Variants in UGGT1 observed in about 807,000 individuals in gnomAD.
The protein encoded by UGGT1 is UDP-glucose:glycoprotein glucosyltransferase 1.
UGGT1 carries 107 observed loss-of-function variants against 203.9 expected under a neutral mutation model. The observed-to-expected ratio is 0.52, with a 90% CI of 0.45 to 0.62. UGGT1 has a LOEUF of 0.62. Among genes scored for constraint, UGGT1 ranks in the 20% least tolerant of loss-of-function variants. The probability of loss-of-function intolerance (pLI) is 0.00; values close to 1 mark genes in which losing one functional copy is unlikely to be tolerated. For synonymous variants in UGGT1, 628 were observed against 653.5 expected, an observed-to-expected ratio of 0.96 and a Z score of 0.59; for missense variants, 1,673 against 1,867.2, an observed-to-expected ratio of 0.90 and a Z score of 1.92.
chr2:128,124,917 T>C (rs1454282915), intron 11 of UGGT1, among the ~76,000 whole-genome samples: 1 of 152,192 alleles, frequency 6.6e-6, no homozygotes, highest in Admixed American at 6.5e-5. Flanking sequence ...AGGTGTCTGG[T>C]GATCACACTC....
intron 20 of UGGT1, among the ~76,000 whole-genome samples, chr2:128,155,943 G>A (rs1408579983): frequency 6.6e-6 from 1 of 152,172 alleles, no homozygotes; most frequent in Non-Finnish European, 1.5e-5. Flanking sequence ...TTATTTTGGG[G>A]TTTATAAGAT....
At chr2:128,176,689 G>A (rs978943785) in intron 31 of UGGT1, 125 bp from the exon 32 acceptor site, 51 of 884,908 alleles carry the variant, frequency 5.8e-5, no homozygotes, top group Middle Eastern at 5.2e-4. Context: ...AGCTTAAGGA[G>A]CAAGAAGATA....
chr2:128,149,933 G>C (rs1421631282), intron 18 of UGGT1, among the ~76,000 whole-genome samples: 2 of 152,192 alleles, frequency 1.3e-5, no homozygotes, highest in African/African-American at 4.8e-5. Context: ...TTGCACTCCA[G>C]CCTGGGCGAC....
At chr2:128,125,998 A>T in intron 11 of UGGT1, among the ~76,000 whole-genome samples, 1 of 146,586 alleles carries the variant, frequency 6.8e-6, no homozygotes, top group Admixed American at 7.0e-5. Flanking sequence ...GCTGGAGTGC[A>T]GTGGCATGAT....
rs568137179 is a variant in UGGT1 at position 128,141,825 on chromosome 2, A to G, written c.1720-1269A>G. On this transcript the variant is annotated intron_variant, in intron 16 of 40. Coordinates refer to ENST00000259253, the MANE Select transcript of UGGT1 (RefSeq NM_020120.4). ...AACTCCATCTCAAAAAAAAAAAAAA[A>G]TCAAATAAATAATACTGGAGTCAAT... Among the ~76,000 whole-genome samples the G allele has an allele frequency of 5.9e-5, 9 of 152,032 alleles. No homozygotes were observed. In the South Asian group the frequency reaches 1.7e-3, roughly 28 times the overall value.
rs760563708 is a variant in UGGT1 at position 128,143,268 on chromosome 2, A to G, written c.1851+43A>G. 1.6e-5 allele frequency: 25 copies of G among 1,582,894 alleles called. No homozygotes were observed. The South Asian group carries it at 2.8e-4, about 18-fold the overall frequency. ...GTTTCTTATTTGATTGCAACATTGT[A>G]CTGTCCTTAACCCCGTGTTTGGGGG... On this transcript the variant is annotated intron_variant, in intron 17 of 40. Coordinates refer to ENST00000259253, the MANE Select transcript of UGGT1 (RefSeq NM_020120.4).
chr2:128,102,434 G>T (rs1272331297), intron 2 of UGGT1, among the ~76,000 whole-genome samples: 4 of 152,150 alleles, frequency 2.6e-5, no homozygotes, highest in African/African-American at 9.7e-5. Flanking sequence ...GTGAGCCACG[G>T]CGCCTGGCCT....
At chr2:128,167,113 T>C (rs981707374) in intron 26 of UGGT1, among the ~76,000 whole-genome samples, 17 of 152,170 alleles carry the variant, frequency 1.1e-4, no homozygotes, top group Non-Finnish European at 1.8e-4. Context: ...TTTCTCAACA[T>C]TTTGTGAACT....
In UGGT1 at chr2:128,178,418, T is replaced by A. The variant is rs1442711182; in HGVS notation, c.3714-50T>A. On this transcript the variant is annotated intron_variant, in intron 33 of 40. Transcript: ENST00000259253. Reference sequence around the variant, plus strand: ...TTTCCTCTTACTTTCAAAGGCCGTGTGTCTGTATGAGTGTTTCAAGTGGTC... The same window carrying A: ...TTTCCTCTTACTTTCAAAGGCCGTGAGTCTGTATGAGTGTTTCAAGTGGTC... 4.1e-6 allele frequency: 6 copies of A among 1,447,376 alleles called. No individual in the cohort carries two copies. In the Admixed American group the frequency reaches 1.3e-4, roughly 30 times the overall value. 89.7% of individuals were successfully genotyped at this position (1,447,376 alleles called of 1,614,324 possible). A position where few individuals can be genotyped will look rare whatever the true frequency, so the allele number is the denominator to read the frequency against.
At chr2:128,112,477 A>ATATATGTATATATATAT (rs1687916174) in intron 5 of UGGT1, among the ~76,000 whole-genome samples, 1 of 37,928 alleles carries the variant, frequency 2.6e-5, no homozygotes, top group Non-Finnish European at 7.5e-5. Flanking sequence ...TATATATTAC[A>ATATATGTATATATATAT]TACATACATA....
At chr2:128,186,498 T>A (rs1268061396) in intron 38 of UGGT1, among the ~76,000 whole-genome samples, 185 bp from the exon 39 acceptor site, 1 of 152,064 alleles carries the variant, frequency 6.6e-6, no homozygotes, top group African/African-American at 2.4e-5. Flanking sequence ...TCCCAGCTAC[T>A]CAGGAGGCTG....
intron 13 of UGGT1, among the ~76,000 whole-genome samples, chr2:128,131,689 G>A (rs1688886129): frequency 6.6e-6 from 1 of 152,140 alleles, no homozygotes; most frequent in African/African-American, 2.4e-5. Context: ...GTGCAGTGGT[G>A]TGATCTCAGC....
intron 24 of UGGT1, 106 bp from the exon 25 acceptor site, chr2:128,161,032 T>A: frequency 3.8e-6 from 5 of 1,311,788 alleles, no homozygotes; most frequent in Non-Finnish European, 5.2e-6. Flanking sequence ...GTCTTTAAGA[T>A]GTTCTGGCGT....
chr2:128,151,882 A>G lies in UGGT1; in HGVS notation c.2017-902A>G, dbSNP rs796622659. ...AAAGAGCAAGACCTTGTCTCAAAGG[A>G]AAAAAAAAGAAAATGACTTTAAAGT... On this transcript the variant is annotated intron_variant, in intron 18 of 40. Transcript: ENST00000259253. Among the ~76,000 whole-genome samples the G allele has an allele frequency of 5.4e-5, 8 of 149,118 alleles. 1 individual carries two copies. The highest frequency in any genetic ancestry group is 2.0e-4 in the African/African-American group (8 of 39,146).
rs1263167201 is a variant in UGGT1 at position 128,192,302 on chromosome 2, A to G, written c.*2560A>G. On this transcript the variant is annotated 3_prime_UTR_variant, in exon 41 of 41. Coordinates refer to ENST00000259253, the MANE Select transcript of UGGT1 (RefSeq NM_020120.4). The stretch of plus-strand genomic sequence containing the variant: ...TTTTTTTGGTTCATGTGGCATAATC[A>G]TCTTTCAAAATTAACCAAATGCCCC... The G allele has an allele frequency of 6.8e-6, 1 of 147,430 alleles. No individual in the cohort carries two copies. Among genetic ancestry groups the G allele is most frequent in the Non-Finnish European group, 1.5e-5 (1 of 67,360 alleles). 9.1% of individuals were successfully genotyped at this position (147,430 alleles called of 1,614,324 possible).
At position 128,182,721 on chromosome 2, in the gene UGGT1, TA is replaced by T. The variant is rs1444843858; in HGVS notation, c.4244+439del. Among the ~76,000 whole-genome samples, 7 of 116,940 alleles carry T rather than the reference TA, an allele frequency of 6.0e-5. No individual in the cohort carries two copies. In the South Asian group the frequency reaches 1.3e-3, roughly 21 times the overall value. The allele number at this position is 116,940 out of a possible 152,430, so 76.7% of individuals were successfully genotyped here. A position where few individuals can be genotyped will look rare whatever the true frequency, so the allele number is the denominator to read the frequency against. Reference sequence around the variant, plus strand: ...CTCAAAAAAAAAAAAAAATACAGTGTAAAAAAAACTTCCTAATCCTGTCTCT... The same window carrying T: ...CTCAAAAAAAAAAAAAAATACAGTGTAAAAAAACTTCCTAATCCTGTCTCT... On this transcript the variant is annotated intron_variant, in intron 37 of 40. Transcript: ENST00000259253.
intron 5 of UGGT1, among the ~76,000 whole-genome samples, chr2:128,110,228 C>T (rs1182171259): frequency 6.6e-6 from 1 of 152,132 alleles, no homozygotes; most frequent in East Asian, 1.9e-4. Context: ...AGGTGGGTTT[C>T]CTGTGGTAGA....
rs150713160 is a variant in UGGT1 at position 128,137,363 on chromosome 2, A to T, written c.1584-1354A>T. 4.9e-3 allele frequency among the ~76,000 whole-genome samples: 750 copies of T among 152,304 alleles called. 6 individuals carry two copies. The highest frequency in any genetic ancestry group is 0.014 in the African/African-American group (579 of 41,572). On this transcript the variant is annotated intron_variant, in intron 15 of 40. Coordinates refer to ENST00000259253, the MANE Select transcript of UGGT1 (RefSeq NM_020120.4). ...AGCCCAGAGGTTTGAGGCTGCAATG[A>T]GCTGATTGTGCCACTGCACTCTGGC...
chr2:128,130,967 T>G (rs1688848279), intron 13 of UGGT1, among the ~76,000 whole-genome samples: 1 of 152,116 alleles, frequency 6.6e-6, no homozygotes, highest in African/African-American at 2.4e-5. Flanking sequence ...GCACAGTGGC[T>G]CACGCCTGTA....
Sources: gnomAD v4.1 joint callset for allele counts (sites outside exome capture counted in the v4.1 genomes callset) on GRCh38, gnomAD v4.1.1 for gene constraint, MANE v1.5 for transcripts, NCBI Gene and HGNC (gene_info 2026-07-23, HGNC 2026-07-21) for gene names.